The following TCF4 variants were observed in gnomAD, a reference collection of about 807,000 sequenced individuals.
The protein encoded by TCF4 is transcription factor 4, also known as SL3-3 enhancer factor 2.
Under a neutral mutation model 82.1 loss-of-function variants are expected in TCF4, and 3 were observed. The observed-to-expected ratio is 0.04, with a 90% CI of 0.02 to 0.09. The LOEUF is 0.09. Ranked by LOEUF, TCF4 falls within the 10% of genes least tolerant of loss-of-function variation. TCF4 has a pLI of 1.00. For missense variants in TCF4, 518 were observed against 852.7 expected, an observed-to-expected ratio of 0.61 and a Z score of 4.89; for synonymous variants, 276 against 309.6, an observed-to-expected ratio of 0.89 and a Z score of 1.14.
intron 6 of TCF4, among the ~76,000 whole-genome samples, chr18:55,397,322 A>G (rs2093559068): frequency 6.6e-6 from 1 of 152,220 alleles, no homozygotes; most frequent in Non-Finnish European, 1.5e-5. Flanking sequence ...TAGGCAAAAC[A>G]AGTGATGAAC....
In TCF4 at chr18:55,302,449, C is replaced by A. The variant is rs1416410668; in HGVS notation, c.550-22793G>T. 4 of 1,536,162 alleles carry A rather than the reference C, an allele frequency of 2.6e-6. No individual in the cohort carries two copies. In the Admixed American group the frequency reaches 5.9e-5, roughly 23 times the overall value. ...TCCCTTCGTGGTCCAGGCAACATAG[C>A]CCTGTATCTGAGCATCTGCATTGTT... is the stretch of plus-strand genomic sequence containing the variant. On this transcript the variant is annotated intron_variant, in intron 8 of 19. Coordinates refer to ENST00000354452, the MANE Select transcript of TCF4 (RefSeq NM_001083962.2).
intron 3 of TCF4, among the ~76,000 whole-genome samples, chr18:55,562,270 T>C (rs960712760): frequency 6.6e-6 from 1 of 152,204 alleles, no homozygotes; most frequent in Non-Finnish European, 1.5e-5. Flanking sequence ...TTCAGAAACA[T>C]GTTTATTCTC....
At chr18:55,403,719 A>G in intron 5 of TCF4, 1 of 1,539,248 alleles carries the variant, frequency 6.5e-7, no homozygotes, top group Non-Finnish European at 8.7e-7. Flanking sequence ...CTTCATTCCT[A>G]TTCTTAGCCA....
At chr18:55,390,576 T>C (rs1163586728) in intron 6 of TCF4, among the ~76,000 whole-genome samples, 1 of 152,192 alleles carries the variant, frequency 6.6e-6, no homozygotes, top group African/African-American at 2.4e-5. Flanking sequence ...TGTAACTATC[T>C]AGAGGAAAGA....
intron 6 of TCF4, among the ~76,000 whole-genome samples, chr18:55,377,993 C>T (rs904166183): frequency 2.0e-5 from 3 of 152,000 alleles, no homozygotes; most frequent in African/African-American, 4.8e-5. Flanking sequence ...ATTAATGTTA[C>T]TGTGTTATTT....
intron 5 of TCF4, among the ~76,000 whole-genome samples, chr18:55,440,303 G>T (rs1469665388): frequency 6.6e-6 from 1 of 152,018 alleles, no homozygotes; most frequent in Non-Finnish European, 1.5e-5. Flanking sequence ...TAGCTTCTTT[G>T]TTCTCACTTC....
chr18:55,494,098 T>C (rs2096604387), intron 3 of TCF4, among the ~76,000 whole-genome samples: 1 of 151,784 alleles, frequency 6.6e-6, no homozygotes, highest in Admixed American at 6.6e-5. Flanking sequence ...CCAGTTGGCA[T>C]TGACAGCTAG....
In TCF4 at chr18:55,497,766, A is replaced by G. The variant is rs78606249; in HGVS notation, c.146-33629T>C. ...GACCTCACAATATCCAGCGGGGGGA[A>G]AATTATGAGAAGTGAATGAGAGAAC... On this transcript the variant is annotated intron_variant, in intron 3 of 19. Transcript: ENST00000354452. Among the ~76,000 whole-genome samples the G allele has an allele frequency of 3.8e-3, 575 of 152,324 alleles. 3 individuals carry two copies. The highest frequency in any genetic ancestry group is 6.3e-3 in the Non-Finnish European group (429 of 68,028).
intron 8 of TCF4, among the ~76,000 whole-genome samples, chr18:55,347,954 T>C (rs1327760862): frequency 6.6e-6 from 1 of 152,154 alleles, no homozygotes; most frequent in Non-Finnish European, 1.5e-5. Context: ...TCATACATAC[T>C]GAAACAATTT....
chr18:55,239,903 T>A (rs1156316378), intron 15 of TCF4, among the ~76,000 whole-genome samples: 3 of 152,244 alleles, frequency 2.0e-5, no homozygotes, highest in African/African-American at 7.2e-5. Flanking sequence ...TATTCTGTTG[T>A]ATTTAAGAGG....
intron 3 of TCF4, among the ~76,000 whole-genome samples, chr18:55,490,640 C>T (rs1308655209): frequency 6.6e-6 from 1 of 151,706 alleles, no homozygotes. Flanking sequence ...TGAATAATCA[C>T]ATAAAATATG....
intron 3 of TCF4, among the ~76,000 whole-genome samples, chr18:55,470,711 A>G (rs1347998663): frequency 6.6e-6 from 1 of 152,208 alleles, no homozygotes; most frequent in Non-Finnish European, 1.5e-5. Context: ...CCAGGACCCT[A>G]GAGTTTTATG....
intron 8 of TCF4, chr18:55,302,662 G>C: frequency 6.8e-7 from 1 of 1,466,942 alleles, no homozygotes; most frequent in Non-Finnish European, 9.0e-7. Flanking sequence ...CCTGTGGCTG[G>C]CCTAGGGGTG....
intron 3 of TCF4, among the ~76,000 whole-genome samples, chr18:55,498,874 C>T (rs1313799431): frequency 1.3e-5 from 2 of 152,126 alleles, no homozygotes; most frequent in Admixed American, 6.5e-5. Flanking sequence ...GTATCTTCTT[C>T]CTTTTATTTG....
intron 9 of TCF4, among the ~76,000 whole-genome samples, chr18:55,276,176 G>C (rs2061466623): frequency 6.6e-6 from 1 of 152,096 alleles, no homozygotes; most frequent in Non-Finnish European, 1.5e-5. Flanking sequence ...AGCATGTAAA[G>C]AAGTATTAAT....
intron 8 of TCF4, among the ~76,000 whole-genome samples, chr18:55,325,166 T>A (rs1235382303): frequency 2.6e-5 from 4 of 152,190 alleles, no homozygotes; most frequent in Non-Finnish European, 5.9e-5. Flanking sequence ...ATCACTTGAA[T>A]GAAGAGCTAT....
chr18:55,605,507 T>C (rs1339305395), intron 2 of TCF4, among the ~76,000 whole-genome samples: 1 of 152,148 alleles, frequency 6.6e-6, no homozygotes, highest in Non-Finnish European at 1.5e-5. Context: ...TCAAACTGAG[T>C]AAACTCCTGA....
intron 3 of TCF4, among the ~76,000 whole-genome samples, chr18:55,499,002 G>A (rs2096667733): frequency 6.6e-6 from 1 of 152,124 alleles, no homozygotes; most frequent in Non-Finnish European, 1.5e-5. Flanking sequence ...CCCTTGACAT[G>A]GTGAAAGTTT....
chr18:55,459,689 T>C lies in TCF4; in HGVS notation c.304+1330A>G, dbSNP rs144933108. 5.3e-3 allele frequency among the ~76,000 whole-genome samples: 813 copies of C among 152,324 alleles called. 3 individuals carry two copies. Among genetic ancestry groups the C allele is most frequent in the Non-Finnish European group, 8.7e-3 (590 of 68,020 alleles). On this transcript the variant is annotated intron_variant, in intron 5 of 19. Coordinates refer to ENST00000354452, the MANE Select transcript of TCF4 (RefSeq NM_001083962.2). Reference sequence around the variant, plus strand: ...AAGTTGATAAATATATCTGGTCACCTGTATCTACATATCCTGAGAACAAGA... The same window carrying C: ...AAGTTGATAAATATATCTGGTCACCCGTATCTACATATCCTGAGAACAAGA...
Sources: gnomAD v4.1 joint callset for allele counts (sites outside exome capture counted in the v4.1 genomes callset) on GRCh38, gnomAD v4.1.1 for gene constraint, MANE v1.5 for transcripts, NCBI Gene and HGNC (gene_info 2026-07-23, HGNC 2026-07-21) for gene names.